ASCC1: variants seen among roughly 807,000 people sequenced by gnomAD.
ASCC1 encodes the protein activating signal cointegrator 1 complex subunit 1.
In ASCC1, 35 loss-of-function variants were observed where a neutral mutation model predicts 46.6. The observed-to-expected ratio is 0.75, with a 90% CI of 0.57 to 0.99. ASCC1 has a LOEUF of 0.99. Ranked by LOEUF, ASCC1 falls within the 50% of genes least tolerant of loss-of-function variation. The pLI is 0.00. For missense variants in ASCC1, 376 were observed against 428.7 expected, an observed-to-expected ratio of 0.88 and a Z score of 1.09; for synonymous variants, 143 against 146.6, an observed-to-expected ratio of 0.98 and a Z score of 0.18.
At chr10:72,193,002 G>C (rs1854779296) in intron 5 of ASCC1, among the ~76,000 whole-genome samples, 3 of 152,326 alleles carry the variant, frequency 2.0e-5, no homozygotes, top group Admixed American at 6.5e-5. Flanking sequence ...AGTGAGGATG[G>C]AGAACAACTG....
rs552753475 is a variant in ASCC1, at chr10:72,146,950, G to A, written c.746+5919C>T. 9.9e-5 allele frequency among the ~76,000 whole-genome samples: 15 copies of A among 151,686 alleles called. No homozygotes were observed. The South Asian group carries it at 3.1e-3, about 32-fold the overall frequency. ...TTTCACATAAAGAAAAAGATTGAAT[G>A]GTCCTTAAAAACAGGGCCATGTGTT... On this transcript the variant is annotated intron_variant, in intron 7 of 9. Transcript: ENST00000672957.
rs56843617 is a variant in ASCC1 at position 72,202,835 on chromosome 10, G to C, written c.310+592C>G. The stretch of plus-strand genomic sequence containing the variant: ...CACAAATCCATTTCAAGTTACCAAA[G>C]CATGAAAAGAAATCTCCTAATACAC... On this transcript the variant is annotated intron_variant, in intron 4 of 9. Coordinates refer to ENST00000672957, the MANE Select transcript of ASCC1 (RefSeq NM_001198800.3). Among the ~76,000 whole-genome samples the C allele has an allele frequency of 6.2e-3, 947 of 152,200 alleles. 15 individuals are homozygous for C. The highest frequency in any genetic ancestry group is 0.021 in the African/African-American group (890 of 41,540).
intron 9 of ASCC1, among the ~76,000 whole-genome samples, chr10:72,106,650 C>T (rs919558804): frequency 6.6e-6 from 1 of 152,206 alleles, no homozygotes; most frequent in Non-Finnish European, 1.5e-5. Flanking sequence ...TGGGAAGGCA[C>T]TCCCAGTATG....
At chr10:72,133,539 G>C (rs765571214) in intron 7 of ASCC1, 22 of 308,406 alleles carry the variant, frequency 7.1e-5, no homozygotes, top group Non-Finnish European at 1.3e-4. Context: ...TCAAGTAGAA[G>C]AAGAAACAGC....
At chr10:72,214,655 G>T (rs1044247354) in intron 1 of ASCC1, among the ~76,000 whole-genome samples, 1 of 151,924 alleles carries the variant, frequency 6.6e-6, no homozygotes, top group African/African-American at 2.4e-5. Flanking sequence ...GGGATTACAG[G>T]CGTGAGCCAC....
intron 5 of ASCC1, among the ~76,000 whole-genome samples, chr10:72,165,321 G>A (rs758735846): frequency 4.6e-5 from 7 of 152,200 alleles, no homozygotes; most frequent in Admixed American, 2.0e-4. Context: ...TCTCCATGTT[G>A]GTCAGGCTGG....
chr10:72,204,505 A>G, intron 3 of ASCC1: 1 of 1,550,352 alleles, frequency 6.5e-7, no homozygotes, highest in Non-Finnish European at 8.7e-7. Context: ...AGTGAATGAG[A>G]CTACCGAATC....
At chr10:72,131,927 A>T (rs1221272437) in intron 8 of ASCC1, among the ~76,000 whole-genome samples, 1 of 132,714 alleles carries the variant, frequency 7.5e-6, no homozygotes, top group African/African-American at 3.0e-5. Flanking sequence ...GCCAGGCTGG[A>T]GTGCGATCTC....
chr10:72,114,223 G>T (rs1843236502), intron 9 of ASCC1, among the ~76,000 whole-genome samples: 1 of 152,180 alleles, frequency 6.6e-6, no homozygotes, highest in South Asian at 2.1e-4. Context: ...TAGTAATAAA[G>T]CTGCAATCAA....
At chr10:72,155,111 T>TATG (rs1237173470) in intron 6 of ASCC1, among the ~76,000 whole-genome samples, 1 of 152,188 alleles carries the variant, frequency 6.6e-6, no homozygotes, top group Non-Finnish European at 1.5e-5. Flanking sequence ...TATATATTTG[T>TATG]TCATACATCT....
chr10:72,210,839 G>A lies in ASCC1; in HGVS notation c.113-8C>T. The A allele has an allele frequency of 1.9e-6, 3 of 1,612,912 alleles. No homozygotes were observed. The highest frequency in any genetic ancestry group is 2.5e-6 in the Non-Finnish European group (3 of 1,179,232). ...CAGCACACTCCATGGAGCCTGCACA[G>A]AAACCATCACATCTCACTCAGAAAC... On this transcript the variant is annotated splice_polypyrimidine_tract_variant and splice_region_variant and intron_variant, in intron 2 of 9. Coordinates refer to ENST00000672957, the MANE Select transcript of ASCC1 (RefSeq NM_001198800.3).
intron 9 of ASCC1, among the ~76,000 whole-genome samples, chr10:72,125,568 G>C (rs1844765522): frequency 6.6e-6 from 1 of 152,168 alleles, no homozygotes; most frequent in Non-Finnish European, 1.5e-5. Context: ...ATGCCAAAAG[G>C]TGGGTGGACT....
At chr10:72,124,865 C>A (rs888770117) in intron 9 of ASCC1, among the ~76,000 whole-genome samples, 5 of 151,778 alleles carry the variant, frequency 3.3e-5, no homozygotes, top group Non-Finnish European at 7.4e-5. Context: ...CCATAAAAAA[C>A]CACCATAACC....
At chr10:72,161,475 G>C (rs1849686946) in intron 6 of ASCC1, 63 bp downstream of exon 6, 1 of 1,607,326 alleles carries the variant, frequency 6.2e-7, no homozygotes, top group African/African-American at 1.3e-5. Context: ...AAACAAGTCT[G>C]TAATACCAAA....
chr10:72,104,332 A>C (rs1009883845), intron 9 of ASCC1, among the ~76,000 whole-genome samples: 3 of 152,202 alleles, frequency 2.0e-5, no homozygotes, highest in Non-Finnish European at 2.9e-5. Flanking sequence ...ACCTGGTTTA[A>C]GAATCGGATG....
chr10:72,209,727 T>C (rs901816264), intron 3 of ASCC1, among the ~76,000 whole-genome samples: 1 of 152,176 alleles, frequency 6.6e-6, no homozygotes, highest in African/African-American at 2.4e-5. Flanking sequence ...GAGGTTGCAG[T>C]GAGCCAAGAT....
At chr10:72,180,284 G>C (rs573270148) in intron 5 of ASCC1, among the ~76,000 whole-genome samples, 85 of 141,470 alleles carry the variant, frequency 6.0e-4, no homozygotes, top group Non-Finnish European at 1.2e-3. Flanking sequence ...GTCTTAAAAA[G>C]AAAAAAAGAA....
chr10:72,200,338 A>G (rs1589609105), intron 4 of ASCC1, among the ~76,000 whole-genome samples: 1 of 152,076 alleles, frequency 6.6e-6, no homozygotes, highest in East Asian at 1.9e-4. Context: ...TTTTGAAAGC[A>G]TGTATTAATT....
chr10:72,145,153 G>A (rs1223992025), intron 7 of ASCC1, among the ~76,000 whole-genome samples: 5 of 152,134 alleles, frequency 3.3e-5, no homozygotes, highest in African/African-American at 4.8e-5. Context: ...GTCTGCTGTC[G>A]TCATAATTGT....
Sources: gnomAD v4.1 joint callset for allele counts (sites outside exome capture counted in the v4.1 genomes callset) on GRCh38, gnomAD v4.1.1 for gene constraint, MANE v1.5 for transcripts, NCBI Gene and HGNC (gene_info 2026-07-23, HGNC 2026-07-21) for gene names.